GLP2R: variants seen among roughly 807,000 people sequenced by gnomAD.
The protein encoded by GLP2R is glucagon like peptide 2 receptor.
In GLP2R, 59 loss-of-function variants were observed where a neutral mutation model predicts 68.2. The ratio of observed to expected loss-of-function variants is 0.87; its 90% CI spans 0.70 to 1.07. The LOEUF is 1.07. GLP2R is among the 50% of genes least tolerant of loss of function. The probability of loss-of-function intolerance (pLI) is 0.00; values close to 1 mark genes in which losing one functional copy is unlikely to be tolerated. For synonymous variants in GLP2R, 270 were observed against 265.4 expected (o/e 1.02, Z -0.17); for missense variants, 548 against 677.4 (o/e 0.81, Z 2.12).
chr17:9,832,841 A>G (rs1195039706), intron 1 of GLP2R, among the ~76,000 whole-genome samples: 1 of 152,224 alleles, frequency 6.6e-6, no homozygotes, highest in African/African-American at 2.4e-5. Context: ...AACGTGCTAT[A>G]TTTCCAAGGT....
At chr17:9,870,664 A>G (rs147738860) in intron 9 of GLP2R, 83 bp from the exon 10 acceptor site, 16 of 753,118 alleles carry the variant, frequency 2.1e-5, no homozygotes, top group Admixed American at 3.6e-5. Context: ...GATGGAACTG[A>G]TGGCCGAGCC....
chr17:9,885,569 C>T (rs1023407146), intron 11 of GLP2R, among the ~76,000 whole-genome samples: 13 of 152,018 alleles, frequency 8.6e-5, no homozygotes, highest in African/African-American at 3.1e-4. Context: ...GGCCTCAGTT[C>T]TCCTCCATGT....
intron 2 of GLP2R, among the ~76,000 whole-genome samples, chr17:9,835,807 G>A (rs1047766756): frequency 2.6e-5 from 4 of 152,052 alleles, no homozygotes; most frequent in Admixed American, 2.0e-4. Flanking sequence ...TTGGGAAGCC[G>A]AGGTGGGCAG....
chr17:9,867,785 A>G (rs2067053408), intron 9 of GLP2R, among the ~76,000 whole-genome samples: 1 of 152,142 alleles, frequency 6.6e-6, no homozygotes, highest in Admixed American at 6.6e-5. Context: ...TGAAATCATA[A>G]AGTCAAAAGC....
At chr17:9,884,625 A>G (rs1221431330) in intron 11 of GLP2R, among the ~76,000 whole-genome samples, 1 of 152,190 alleles carries the variant, frequency 6.6e-6, no homozygotes, top group Admixed American at 6.5e-5. Flanking sequence ...CGCCCACTGC[A>G]TGCTCACCAA....
Sources: gnomAD v4.1 joint callset for allele counts (sites outside exome capture counted in the v4.1 genomes callset) on GRCh38, gnomAD v4.1.1 for gene constraint, MANE v1.5 for transcripts, NCBI Gene and HGNC (gene_info 2026-07-23, HGNC 2026-07-21) for gene names.